RANBP2: variants seen among roughly 807,000 people sequenced by gnomAD.
RANBP2 encodes the protein RAN binding protein 2, also known as E3 SUMO-protein ligase RanBP2.
Under a neutral mutation model 303.6 loss-of-function variants are expected in RANBP2, and 57 were observed. That is an observed-to-expected ratio of 0.19 (90% confidence interval 0.15 to 0.23). The LOEUF is 0.23. Among genes scored for constraint, RANBP2 ranks in the 10% least tolerant of loss-of-function variants. The pLI, the probability that RANBP2 is intolerant of heterozygous loss-of-function variation, is 1.00. For synonymous variants in RANBP2, 1,167 were observed against 1,301.5 expected, an observed-to-expected ratio of 0.90 and a Z score of 2.23; for missense variants, 3,138 against 3,780.8, an observed-to-expected ratio of 0.83 and a Z score of 4.46.
chr2:108,888,735 T>A, the RANBP2 span, among the ~76,000 whole-genome samples: 3 of 151,998 alleles, frequency 2.0e-5, no homozygotes, highest in Admixed American at 2.0e-4. Context: ...CAATTTTTTT[T>A]ATCTTTTGGG....
the RANBP2 span, among the ~76,000 whole-genome samples, chr2:109,144,400 A>G: frequency 2.0e-5 from 3 of 152,240 alleles, no homozygotes; most frequent in African/African-American, 7.2e-5. Flanking sequence ...CTCAAGTCAT[A>G]GAACAAGCAG....
At chr2:109,042,983 C>T in the RANBP2 span, among the ~76,000 whole-genome samples, 1 of 152,096 alleles carries the variant, frequency 6.6e-6, no homozygotes. Context: ...AATAACTGTC[C>T]CGAATTCTGT....
the RANBP2 span, chr2:108,940,074 G>C: frequency 6.6e-6 from 1 of 152,288 alleles, no homozygotes; most frequent in African/African-American, 2.4e-5. Flanking sequence ...CAATTTGACT[G>C]AGACGATAGC....
At chr2:109,413,673 G>A in the RANBP2 span, among the ~76,000 whole-genome samples, 1 of 152,146 alleles carries the variant, frequency 6.6e-6, no homozygotes, top group Non-Finnish European at 1.5e-5. Flanking sequence ...CTGTGCTCTG[G>A]GGCAGCACGC....
At chr2:109,623,580 G>A in the RANBP2 span, among the ~76,000 whole-genome samples, 2 of 152,174 alleles carry the variant, frequency 1.3e-5, no homozygotes, top group Non-Finnish European at 2.9e-5. Flanking sequence ...TTTGGCAGGC[G>A]ACTCCAGTTT....
chr2:108,729,243 C>T, intron 2 of RANBP2, 44 bp downstream of exon 2: 1 of 1,531,606 alleles, frequency 6.5e-7, no homozygotes, highest in Non-Finnish European at 8.8e-7. Flanking sequence ...AAAATCAATG[C>T]CTTTTCTCAT....
At chr2:109,441,487 G>A in the RANBP2 span, among the ~76,000 whole-genome samples, 28 of 152,190 alleles carry the variant, frequency 1.8e-4, no homozygotes, top group East Asian at 4.6e-3. Context: ...AGTAATAGAA[G>A]CCGTGGAAAG....
At chr2:109,216,005 T>C in the RANBP2 span, among the ~76,000 whole-genome samples, 1 of 152,148 alleles carries the variant, frequency 6.6e-6, no homozygotes, top group Non-Finnish European at 1.5e-5. Flanking sequence ...AATTTTCCCA[T>C]GGCCATGACT....
the RANBP2 span, among the ~76,000 whole-genome samples, chr2:109,136,755 G>A: frequency 6.6e-6 from 1 of 152,200 alleles, no homozygotes; most frequent in Admixed American, 6.5e-5. Flanking sequence ...AGGCTCACAT[G>A]AATTTATGTG....
chr2:108,737,233 A>G lies in RANBP2; in HGVS notation c.782+984A>G, dbSNP rs2250722. On this transcript the variant is annotated intron_variant, in intron 6 of 28. Coordinates refer to ENST00000283195, the MANE Select transcript of RANBP2 (RefSeq NM_006267.5). Reference sequence around the variant, plus strand: ...AAACATGTAGGATGTTTTATTTTGTATTCTTTGTATACTCAAATTTTTGGT... The same window carrying G: ...AAACATGTAGGATGTTTTATTTTGTGTTCTTTGTATACTCAAATTTTTGGT... 2.8e-3 allele frequency among the ~76,000 whole-genome samples: 430 copies of G among 151,710 alleles called. 4 individuals carry two copies. The highest frequency in any genetic ancestry group is 0.017 in the Middle Eastern group (5 of 292).
At chr2:109,234,529 C>T in the RANBP2 span, among the ~76,000 whole-genome samples, 1 of 152,220 alleles carries the variant, frequency 6.6e-6, no homozygotes, top group African/African-American at 2.4e-5. Context: ...TGAAACATTT[C>T]TGTATTGGTC....
chr2:109,182,585 A>G, the RANBP2 span, among the ~76,000 whole-genome samples: 1 of 152,222 alleles, frequency 6.6e-6, no homozygotes. Flanking sequence ...GATATTTTGC[A>G]TTAATTGCAA....
the RANBP2 span, among the ~76,000 whole-genome samples, chr2:109,408,262 A>T: frequency 6.6e-6 from 1 of 152,198 alleles, no homozygotes; most frequent in Non-Finnish European, 1.5e-5. Flanking sequence ...GGCCTCGATC[A>T]GTACAGGTAA....
the RANBP2 span, among the ~76,000 whole-genome samples, chr2:109,247,797 T>C: frequency 6.6e-6 from 1 of 152,232 alleles, no homozygotes; most frequent in African/African-American, 2.4e-5. Flanking sequence ...CTCACTGTTG[T>C]GTGTGTTGGC....
rs62151256 is a variant in RANBP2, at chr2:108,775,417, G to T, written c.8293-315G>T. Among the ~76,000 whole-genome samples, 691 of 152,202 alleles carry T rather than the reference G, an allele frequency of 4.5e-3. 4 individuals are homozygous for T. Among genetic ancestry groups the T allele is most frequent in the African/African-American group, 0.016 (660 of 41,520 alleles). On this transcript the variant is annotated intron_variant, in intron 23 of 28. Coordinates refer to ENST00000283195, the MANE Select transcript of RANBP2 (RefSeq NM_006267.5). ...CCATTGGCAGTTCCAGTTTTTTTGGGCTGCTGTAGCACCCAGGCTGGGTTA... is the reference window on the plus strand; with the variant it reads ...CCATTGGCAGTTCCAGTTTTTTTGGTCTGCTGTAGCACCCAGGCTGGGTTA...
the RANBP2 span, chr2:109,130,052 C>T: frequency 7.3e-7 from 1 of 1,363,024 alleles, no homozygotes. Context: ...TCCGCGGCCG[C>T]GGGCAGCACC....
At chr2:109,248,219 TG>T in the RANBP2 span, among the ~76,000 whole-genome samples, 2 of 152,264 alleles carry the variant, frequency 1.3e-5, no homozygotes, top group Non-Finnish European at 2.9e-5. Context: ...TTGATTCAGA[TG>T]AATAGGAGTT....
the RANBP2 span, among the ~76,000 whole-genome samples, chr2:109,273,663 C>T: frequency 2.0e-5 from 3 of 152,126 alleles, no homozygotes; most frequent in African/African-American, 2.4e-5. Flanking sequence ...ATTAAACATG[C>T]GCAACTGCTG....
the RANBP2 span, among the ~76,000 whole-genome samples, chr2:109,289,430 G>T: frequency 4.6e-5 from 7 of 152,116 alleles, no homozygotes; most frequent in African/African-American, 1.7e-4. Flanking sequence ...CATGAGCTTG[G>T]ATTTCTTGAT....
Sources: allele counts gnomAD v4.1 joint callset (sites outside exome capture counted in the v4.1 genomes callset), GRCh38; gene constraint gnomAD v4.1.1; transcripts MANE v1.5; gene names NCBI Gene and HGNC (gene_info 2026-07-23, HGNC 2026-07-21).